Variants in HNF1B observed in about 807,000 individuals in gnomAD.
HNF1B encodes HNF1 homeobox B.
HNF1B carries 8 observed loss-of-function variants against 61.7 expected under a neutral mutation model. The observed-to-expected ratio is 0.13, with a 90% confidence interval of 0.08 to 0.23. HNF1B has a LOEUF of 0.23. HNF1B is among the 10% of genes least tolerant of loss of function. The pLI, the probability that HNF1B is intolerant of heterozygous loss-of-function variation, is 1.00. For synonymous variants in HNF1B, 314 were observed against 287.7 expected (o/e 1.09, Z -0.93); for missense variants, 562 against 714.5 (o/e 0.79, Z 2.43).
intron 8 of HNF1B, among the ~76,000 whole-genome samples, chr17:37,688,295 C>T (rs2032049756): frequency 6.6e-6 from 1 of 151,872 alleles, no homozygotes; most frequent in Admixed American, 6.6e-5. Context: ...TTTTGTCTCC[C>T]TGTGTCTCCT....
intron 6 of HNF1B, among the ~76,000 whole-genome samples, chr17:37,703,991 G>A (rs570058873): frequency 5.9e-5 from 9 of 152,338 alleles, no homozygotes; most frequent in African/African-American, 2.2e-4. Context: ...GGACAATGGA[G>A]CAATACAAGG....
chr17:37,744,642 C>G lies in HNF1B; in HGVS notation c.243G>C (p.Glu81Asp), dbSNP rs2034113846. The G allele has an allele frequency of 6.2e-7, 1 of 1,612,442 alleles. No individual in the cohort carries two copies. Among genetic ancestry groups the G allele is most frequent in the Non-Finnish European group, 8.5e-7 (1 of 1,180,022 alleles). ...GAGGTGTGTCATAGTCGTCGCCGTC[C>G]TCGGAGCCCTCGTCGCCGGACAAGC... ...KGRLSGDEGS[E>D]DGDDYDTPPI... Residue 81 changes from glutamate to aspartate, a missense_variant, in exon 1 of 9, where the codon GAG (glutamate) becomes GAC (aspartate). By Grantham distance (45) the Glu-to-Asp change is conservative (BLOSUM62 2). Around this residue, in one of 6 missense-constraint regions of HNF1B, gnomAD observed 148 missense variants for 147.3 expected, o/e 1.00. Transcript: ENST00000617811.
intron 2 of HNF1B, 33 bp from the exon 3 acceptor site, chr17:37,733,854 C>T (rs751858998): frequency 1.7e-5 from 27 of 1,608,528 alleles, no homozygotes; most frequent in Non-Finnish European, 2.1e-5. Flanking sequence ...TTGATAGGGT[C>T]TGTAGCCTTC....
In HNF1B at chr17:37,734,223, C is replaced by T. The variant is rs571525461; in HGVS notation, c.545-402G>A. Among the ~76,000 whole-genome samples the T allele has an allele frequency of 7.9e-5, 12 of 152,308 alleles. No individual in the cohort carries two copies. In the South Asian group the frequency reaches 2.3e-3, roughly 29 times the overall value. ...GAGAACTGCTCAAAGGTACAATTTACACTTGCACAAAATATTCAGAGGCTG... is the reference window on the plus strand; with the variant it reads ...GAGAACTGCTCAAAGGTACAATTTATACTTGCACAAAATATTCAGAGGCTG... On this transcript the variant is annotated intron_variant, in intron 2 of 8. Transcript: ENST00000617811.
chr17:37,710,622 A>G lies in HNF1B; in HGVS notation c.1087T>C (p.Ser363Pro), dbSNP rs2032902697. The change falls in exon 5 of 9, where the codon TCC (serine) becomes CCC (proline). Residue 363 changes from serine to proline, a missense_variant. Coordinates refer to ENST00000617811, the MANE Select transcript of HNF1B (RefSeq NM_000458.4). ...TTGCCATGGTGACTGATTGTTGAGGAGGAAGTGATCTCATTGTTTCCCTGC... is the reference window on the plus strand; with the variant it reads ...TTGCCATGGTGACTGATTGTTGAGGGGGAAGTGATCTCATTGTTTCCCTGC... ...SQQGNNEITS[S>P]STISHHGNSA... is the part of the protein sequence containing the mutation. 6.2e-7 allele frequency: 1 copy of G among 1,613,714 alleles called. No individual in the cohort carries two copies. The highest frequency in any genetic ancestry group is 1.7e-5 in the Admixed American group (1 of 59,994).
At chr17:37,698,988 G>C in intron 8 of HNF1B, 88 bp downstream of exon 8, 1 of 978,030 alleles carries the variant, frequency 1.0e-6, no homozygotes, top group South Asian at 1.3e-5. Flanking sequence ...ATTTCTGGCC[G>C]AGTCCATGCT....
intron 4 of HNF1B, among the ~76,000 whole-genome samples, chr17:37,722,762 AG>A (rs1179232816): frequency 6.6e-6 from 1 of 152,150 alleles, no homozygotes; most frequent in African/African-American, 2.4e-5. Flanking sequence ...GTTGGAGCAT[AG>A]GGTAACAGGA....
intron 4 of HNF1B, among the ~76,000 whole-genome samples, chr17:37,714,091 T>A (rs2033025528): frequency 6.6e-6 from 1 of 152,238 alleles, no homozygotes; most frequent in African/African-American, 2.4e-5. Context: ...GGGAAGTTAC[T>A]TAACCTCCCT....
At chr17:37,723,466 C>A (rs1188333457) in intron 4 of HNF1B, among the ~76,000 whole-genome samples, 1 of 152,206 alleles carries the variant, frequency 6.6e-6, no homozygotes, top group East Asian at 1.9e-4. Context: ...TCATGACCCT[C>A]CCCTCTGCCC....
chr17:37,744,513 G>A (rs774791561), intron 1 of HNF1B, 28 bp downstream of exon 1: 2 of 1,596,938 alleles, frequency 1.3e-6, no homozygotes, highest in African/African-American at 2.7e-5. Flanking sequence ...GGTTCGGGTG[G>A]GTCCCCTCCA....
intron 8 of HNF1B, among the ~76,000 whole-genome samples, chr17:37,689,146 CAAAAA>C (rs71368464): frequency 1.6e-5 from 1 of 62,428 alleles, no homozygotes; most frequent in Non-Finnish European, 3.5e-5. Context: ...CTTGGTCTCA[CAAAAA>C]AAAAAAAAAA....
chr17:37,690,219 C>T (rs1221609188), intron 8 of HNF1B, among the ~76,000 whole-genome samples: 1 of 152,158 alleles, frequency 6.6e-6, no homozygotes, highest in Non-Finnish European at 1.5e-5. Context: ...AAAAAGAGCT[C>T]CAGGCAGACA....
chr17:37,718,514 A>G (rs1322872504), intron 4 of HNF1B, among the ~76,000 whole-genome samples: 1 of 152,194 alleles, frequency 6.6e-6, no homozygotes, highest in African/African-American at 2.4e-5. Context: ...TGAGGTTCAG[A>G]GAGGACAAGG....
intron 5 of HNF1B, among the ~76,000 whole-genome samples, chr17:37,708,363 G>C (rs1222497267): frequency 3.9e-5 from 6 of 152,226 alleles, no homozygotes. Context: ...GAGGTGTGCA[G>C]TCTTGGTCAA....
At position 37,710,485 on chromosome 17, in the gene HNF1B, T is replaced by C; in HGVS notation, c.1206+18A>G. 6.2e-7 allele frequency: 1 copy of C among 1,614,108 alleles called. No homozygotes were observed. Among genetic ancestry groups the C allele is most frequent in the Non-Finnish European group, 8.5e-7 (1 of 1,179,944 alleles). On this transcript the variant is annotated intron_variant, in intron 5 of 8. Transcript: ENST00000617811. ...TATCTTATCAGCTCCAGAGCGACAA[T>C]GGCCCAGGTGTACTCACCATTTTAC...
intron 2 of HNF1B, among the ~76,000 whole-genome samples, chr17:37,737,404 G>A (rs955076936): frequency 2.0e-5 from 3 of 152,216 alleles, no homozygotes; most frequent in South Asian, 2.1e-4. Flanking sequence ...TGGATGGCAG[G>A]TAAGTCCCTG....
intron 2 of HNF1B, among the ~76,000 whole-genome samples, chr17:37,736,431 C>A (rs80141083): frequency 1.3e-5 from 2 of 152,198 alleles, no homozygotes; most frequent in African/African-American, 4.8e-5. Context: ...GTGAGAAGTA[C>A]AGCCACCTCC....
chr17:37,700,510 C>T (rs2074430), intron 7 of HNF1B, among the ~76,000 whole-genome samples: 37,271 of 152,028 alleles, frequency 0.25, 5,363 homozygotes, highest in East Asian at 0.41. Context: ...TTGGAGGACA[C>T]GGGACTCTAG....
Position 37,744,926 on chromosome 17 carries a change from G to GGGGGGGGGC in HNF1B, c.-43_-42insGCCCCCCCC. 8.8e-7 allele frequency: 1 copy of GGGGGGGGGC among 1,141,548 alleles called. No homozygotes were observed. The highest frequency in any genetic ancestry group is 1.3e-6 in the Non-Finnish European group (1 of 764,014). 70.7% of individuals were successfully genotyped at this position (1,141,548 alleles called of 1,614,324 possible). The stretch of plus-strand genomic sequence containing the variant: ...AAGAAGGGGGTGAGGGGGTGGGTGG[G>GGGGGGGGGC]TGCGAGAGAGGAGGGTGGAGGGGAG... On this transcript the variant is annotated 5_prime_UTR_variant, in exon 1 of 9. Transcript: ENST00000617811.
Sources: allele counts gnomAD v4.1 joint callset (sites outside exome capture counted in the v4.1 genomes callset), GRCh38; gene constraint gnomAD v4.1.1; regional missense constraint gnomAD v4.1.1; transcripts MANE v1.5; gene names NCBI Gene and HGNC (gene_info 2026-07-23, HGNC 2026-07-21).